IFT74: variants seen among roughly 807,000 people sequenced by gnomAD.
IFT74 encodes intraflagellar transport protein 74 homolog.
A neutral mutation model predicts 96.7 loss-of-function variants in IFT74; 92 were observed. The observed-to-expected ratio is 0.95, with a 90% CI of 0.80 to 1.13. The LOEUF is 1.13. IFT74 is among the 50% of genes most tolerant of loss of function. The probability of loss-of-function intolerance (pLI) is 0.00; values close to 1 mark genes in which losing one functional copy is unlikely to be tolerated. For missense variants in IFT74, 811 were observed against 698.2 expected, an observed-to-expected ratio of 1.16 and a Z score of -1.82; for synonymous variants, 223 against 213.2, an observed-to-expected ratio of 1.05 and a Z score of -0.40.
intron 1 of IFT74, among the ~76,000 whole-genome samples, chr9:26,961,068 G>C (rs1484146412): frequency 6.7e-6 from 1 of 148,956 alleles, no homozygotes; most frequent in Non-Finnish European, 1.5e-5. Flanking sequence ...CAGATCCTCA[G>C]AAGAAGTGAA....
Position 27,034,574 on chromosome 9 carries a change from G to T in IFT74, c.1054+5470G>T, listed in dbSNP as rs1334186104. Among the ~76,000 whole-genome samples, 3 of 152,066 alleles carry T rather than the reference G, an allele frequency of 2.0e-5. No individual in the cohort carries two copies. The East Asian group carries it at 5.8e-4, about 29-fold the overall frequency. ...ACGGAGTTTTTCTCTTGTGGCCCAGGCTGGAGTAAAATGGTGTGATCTTGA... is the reference window on the plus strand; with the variant it reads ...ACGGAGTTTTTCTCTTGTGGCCCAGTCTGGAGTAAAATGGTGTGATCTTGA... On this transcript the variant is annotated intron_variant, in intron 13 of 19. Transcript: ENST00000380062.
rs540794674 is a variant in IFT74, at chr9:26,950,337, GCAAGCTAAT to G, written c.-20+3195_-20+3203del. On this transcript the variant is annotated intron_variant, in intron 1 of 19. Coordinates refer to the IFT74 transcript ENST00000433700. ...AAAAAAAAAAAAGAAAGAAAGAAAA[GCAAGCTAAT>G]CAAACAATGCCAAGTTATTGTTTGA... Among the ~76,000 whole-genome samples the G allele has an allele frequency of 2.8e-3, 426 of 150,832 alleles. 1 individual carries two copies. The highest frequency in any genetic ancestry group is 5.4e-3 in the Non-Finnish European group (367 of 67,748).
At chr9:26,961,209 G>T (rs571525708) in intron 1 of IFT74, among the ~76,000 whole-genome samples, 1 of 151,330 alleles carries the variant, frequency 6.6e-6, no homozygotes, top group Admixed American at 6.6e-5. Context: ...TCCTGCCTCG[G>T]CCTCCTGAGT....
At chr9:26,947,375 G>A (rs1349894449) in intron 1 of IFT74, 2 of 278,886 alleles carry the variant, frequency 7.2e-6, no homozygotes, top group Non-Finnish European at 6.7e-6. Context: ...GAGCAAGAGA[G>A]AAAGAGGCCC....
intron 2 of IFT74, among the ~76,000 whole-genome samples, chr9:26,966,223 A>C (rs531665960): frequency 6.6e-6 from 1 of 151,930 alleles, no homozygotes; most frequent in East Asian, 1.9e-4. Flanking sequence ...TGATAGTTCT[A>C]TTTTTAGTTT....
At chr9:27,036,757 GCTGT>G in intron 13 of IFT74, 1 of 1,185,192 alleles carries the variant, frequency 8.4e-7, no homozygotes, top group Non-Finnish European at 1.0e-6. Flanking sequence ...AGCGTAAAGT[GCTGT>G]CTCTCAACAA....
chr9:27,012,718 T>G (rs940067698), intron 10 of IFT74, among the ~76,000 whole-genome samples: 2 of 137,256 alleles, frequency 1.5e-5, no homozygotes, highest in African/African-American at 5.6e-5. Context: ...GTTTTTTTTT[T>G]TTTTTTTTTT....
At chr9:26,963,323 G>T (rs1489061442) in intron 2 of IFT74, among the ~76,000 whole-genome samples, 3 of 152,010 alleles carry the variant, frequency 2.0e-5, no homozygotes, top group African/African-American at 4.8e-5. Context: ...ATTCCATGGT[G>T]TATATGTGCC....
intron 18 of IFT74, 119 bp downstream of exon 18, chr9:27,056,578 C>T (rs1303631383): frequency 2.6e-6 from 2 of 772,968 alleles, no homozygotes; most frequent in Non-Finnish European, 4.1e-6. Context: ...ACTTTTAAGA[C>T]AGCCAGATTC....
At chr9:26,961,746 G>A (rs1378991133) in intron 1 of IFT74, among the ~76,000 whole-genome samples, 2 of 152,154 alleles carry the variant, frequency 1.3e-5, no homozygotes, top group African/African-American at 4.8e-5. Context: ...ATAGAAAGAT[G>A]AGGAAGGAAT....
intron 1 of IFT74, among the ~76,000 whole-genome samples, chr9:26,957,356 G>A (rs1406222108): frequency 1.3e-5 from 2 of 152,152 alleles, no homozygotes; most frequent in South Asian, 2.1e-4. Context: ...GGAAAGAGAT[G>A]TTTATTGTAC....
chr9:26,996,001 CTT>C (rs1490089353), intron 8 of IFT74: 2 of 661,138 alleles, frequency 3.0e-6, no homozygotes, highest in Non-Finnish European at 4.8e-6. Flanking sequence ...GATGAATTCT[CTT>C]TGTTCAAAAT....
At chr9:27,034,222 T>C (rs1266468001) in intron 13 of IFT74, among the ~76,000 whole-genome samples, 1 of 152,216 alleles carries the variant, frequency 6.6e-6, no homozygotes, top group African/African-American at 2.4e-5. Context: ...TAAAATACCA[T>C]AATACATATA....
intron 19 of IFT74, 55 bp downstream of exon 19, chr9:27,060,706 C>A: frequency 7.6e-7 from 1 of 1,317,714 alleles, no homozygotes; most frequent in South Asian, 1.4e-5. Flanking sequence ...TGCCTATAGT[C>A]CCAACACTTT....
chr9:26,992,787 C>T (rs145305960), intron 8 of IFT74, among the ~76,000 whole-genome samples: 15 of 152,236 alleles, frequency 9.9e-5, no homozygotes, highest in Admixed American at 2.6e-4. Context: ...AGATGGCCAA[C>T]GTCTCAATAA....
At chr9:26,995,874 G>A in intron 8 of IFT74, 1 of 1,524,976 alleles carries the variant, frequency 6.6e-7, no homozygotes, top group Non-Finnish European at 8.8e-7. Flanking sequence ...CAAGAGAGGA[G>A]AGAGAAAGAA....
At chr9:27,061,832 A>C (rs1820437619) in intron 19 of IFT74, among the ~76,000 whole-genome samples, 1 of 151,662 alleles carries the variant, frequency 6.6e-6, no homozygotes, top group South Asian at 2.1e-4. Context: ...AGCCATTTCA[A>C]CTCCATTATA....
intron 2 of IFT74, among the ~76,000 whole-genome samples, chr9:26,968,147 G>C (rs1025352471): frequency 3.3e-5 from 5 of 149,650 alleles, no homozygotes; most frequent in Non-Finnish European, 5.9e-5. Flanking sequence ...CTATTTCTCA[G>C]AATAGTTTTA....
At chr9:26,964,525 A>T (rs906874349) in intron 2 of IFT74, among the ~76,000 whole-genome samples, 4 of 151,900 alleles carry the variant, frequency 2.6e-5, no homozygotes, top group South Asian at 2.1e-4. Flanking sequence ...CTTGATGGGG[A>T]TGGCATTGAA....
Sources: allele counts gnomAD v4.1 joint callset (sites outside exome capture counted in the v4.1 genomes callset), GRCh38; gene constraint gnomAD v4.1.1; transcripts MANE v1.5; gene names NCBI Gene and HGNC (gene_info 2026-07-23, HGNC 2026-07-21).